The following RNLS variants were observed in gnomAD, a reference collection of about 807,000 sequenced individuals.
RNLS encodes the protein renalase.
A neutral mutation model predicts 39.8 loss-of-function variants in RNLS; 39 were observed. That is an observed-to-expected ratio of 0.98 (90% CI 0.76 to 1.28). The LOEUF (loss-of-function observed/expected upper bound fraction) is 1.28. RNLS is among the 50% of genes most tolerant of loss of function. RNLS has a pLI of 0.00. For synonymous variants in RNLS, 147 were observed against 150.7 expected, an observed-to-expected ratio of 0.98 and a Z score of 0.18; for missense variants, 410 against 413.3, an observed-to-expected ratio of 0.99 and a Z score of 0.07.
chr10:88,431,622 C>T (rs1220306581), intron 4 of RNLS, among the ~76,000 whole-genome samples: 1 of 151,648 alleles, frequency 6.6e-6, no homozygotes, highest in Non-Finnish European at 1.5e-5. Flanking sequence ...ACATAAATTT[C>T]CTCCAACATA....
At chr10:88,247,022 A>G in the RNLS span, among the ~76,000 whole-genome samples, 1 of 152,152 alleles carries the variant, frequency 6.6e-6, no homozygotes, top group Admixed American at 6.6e-5. Context: ...GTTATGAATC[A>G]CGGTGAGATT....
intron 4 of RNLS, among the ~76,000 whole-genome samples, chr10:88,438,965 C>T (rs1056281173): frequency 2.2e-5 from 3 of 137,178 alleles, no homozygotes; most frequent in African/African-American, 7.9e-5. Flanking sequence ...CTGATATCAC[C>T]GGGGGCGGGT....
At chr10:88,499,394 T>G (rs1243564922) in intron 4 of RNLS, among the ~76,000 whole-genome samples, 1 of 152,148 alleles carries the variant, frequency 6.6e-6, no homozygotes, top group Non-Finnish European at 1.5e-5. Flanking sequence ...TTCTGAGCAT[T>G]TCTTTATAGT....
intron 5 of RNLS, among the ~76,000 whole-genome samples, chr10:88,362,335 A>G (rs911942600): frequency 8.5e-5 from 13 of 152,150 alleles, no homozygotes; most frequent in Admixed American, 7.2e-4. Context: ...TCATGAACTC[A>G]GTAATATAAA....
chr10:88,364,284 T>C (rs560233677), intron 4 of RNLS, among the ~76,000 whole-genome samples: 21 of 152,274 alleles, frequency 1.4e-4, no homozygotes, highest in Non-Finnish European at 2.2e-4. Context: ...AGGGGGAAAC[T>C]TTAGTTAAAT....
intron 4 of RNLS, among the ~76,000 whole-genome samples, chr10:88,478,153 C>G (rs1236985129): frequency 6.6e-6 from 1 of 152,148 alleles, no homozygotes; most frequent in East Asian, 1.9e-4. Flanking sequence ...CTCATGTTAT[C>G]TTTCAAACAT....
intron 4 of RNLS, among the ~76,000 whole-genome samples, chr10:88,395,157 A>G (rs892895791): frequency 2.0e-5 from 3 of 151,430 alleles, no homozygotes; most frequent in Non-Finnish European, 2.9e-5. Flanking sequence ...ACAAACCTGC[A>G]TGTTGCGCAC....
intron 3 of RNLS, among the ~76,000 whole-genome samples, chr10:88,573,924 T>C (rs908692340): frequency 2.0e-5 from 3 of 152,160 alleles, no homozygotes; most frequent in Non-Finnish European, 4.4e-5. Flanking sequence ...GTGGATCACT[T>C]GAGGTCAGGA....
chr10:88,581,294 G>GTGTGTGTATA (rs1376395535), intron 3 of RNLS, among the ~76,000 whole-genome samples: 1 of 129,870 alleles, frequency 7.7e-6, no homozygotes, highest in African/African-American at 3.0e-5. Flanking sequence ...GTGTGTGTGT[G>GTGTGTGTATA]TATATATATA....
chr10:88,250,661 A>G, the RNLS span, among the ~76,000 whole-genome samples: 4 of 152,228 alleles, frequency 2.6e-5, no homozygotes, highest in Non-Finnish European at 5.9e-5. Context: ...GTTGCAAATT[A>G]ACTAAAAAAT....
chr10:88,473,082 C>T (rs1223449485), intron 4 of RNLS, among the ~76,000 whole-genome samples: 1 of 152,176 alleles, frequency 6.6e-6, no homozygotes, highest in Non-Finnish European at 1.5e-5. Context: ...GGCTACAAAC[C>T]TGTACAGCAT....
At chr10:88,234,472 TA>T in the RNLS span, among the ~76,000 whole-genome samples, 17 of 152,288 alleles carry the variant, frequency 1.1e-4, no homozygotes, top group Middle Eastern at 3.4e-3. Flanking sequence ...ATTTGCCAAG[TA>T]ACTAAGTGTC....
At chr10:88,198,977 G>A in the RNLS span, among the ~76,000 whole-genome samples, 2 of 152,258 alleles carry the variant, frequency 1.3e-5, no homozygotes, top group East Asian at 3.9e-4. Context: ...AGTGATGTCA[G>A]CCTCTCTCCC....
chr10:88,337,927 C>T (rs2133202880), intron 5 of RNLS, among the ~76,000 whole-genome samples: 1 of 152,176 alleles, frequency 6.6e-6, no homozygotes, highest in South Asian at 2.1e-4. Context: ...CTCCCATCTC[C>T]CCCAAATCTT....
intron 4 of RNLS, among the ~76,000 whole-genome samples, chr10:88,384,617 T>G (rs1851754096): frequency 6.6e-6 from 1 of 152,216 alleles, no homozygotes; most frequent in Non-Finnish European, 1.5e-5. Context: ...GATTAATTAC[T>G]ATATAGAAAG....
At chr10:88,328,809 G>A (rs1398059968) in intron 5 of RNLS, among the ~76,000 whole-genome samples, 3 of 151,984 alleles carry the variant, frequency 2.0e-5, no homozygotes, top group African/African-American at 7.2e-5. Context: ...TTCATGAAAA[G>A]CGTCTTTCTT....
intron 6 of RNLS, among the ~76,000 whole-genome samples, chr10:88,295,385 G>A (rs1239109244): frequency 2.0e-5 from 3 of 152,028 alleles, no homozygotes; most frequent in African/African-American, 7.3e-5. Context: ...TCAACACACG[G>A]GTGCTTTCCT....
intron 4 of RNLS, among the ~76,000 whole-genome samples, chr10:88,559,662 C>CTCACTCATTCATTCATTCAT (rs71471108): frequency 6.6e-6 from 1 of 151,070 alleles, no homozygotes; most frequent in Non-Finnish European, 1.5e-5. Flanking sequence ...GATTGTTTCA[C>CTCACTCATTCATTCATTCAT]TCATTCATTC....
intron 5 of RNLS, among the ~76,000 whole-genome samples, chr10:88,352,438 T>C (rs1293254350): frequency 6.6e-6 from 1 of 152,238 alleles, no homozygotes; most frequent in Non-Finnish European, 1.5e-5. Context: ...AAAGGCCTTT[T>C]CTGCATCTAT....
Sources: gnomAD v4.1 joint callset for allele counts (sites outside exome capture counted in the v4.1 genomes callset) on GRCh38, gnomAD v4.1.1 for gene constraint, MANE v1.5 for transcripts, NCBI Gene and HGNC (gene_info 2026-07-23, HGNC 2026-07-21) for gene names.